Variants in SOX5 observed in about 807,000 individuals in gnomAD.
SOX5 encodes the protein SRY-box transcription factor 5, also known as transcription factor SOX-5.
In SOX5, 9 loss-of-function variants were observed where a neutral mutation model predicts 92.0. The observed-to-expected ratio is 0.10, with a 90% confidence interval of 0.06 to 0.17. SOX5 has a LOEUF of 0.17. Among genes scored for constraint, SOX5 ranks in the 10% least tolerant of loss-of-function variants. SOX5 has a pLI of 1.00. For missense variants in SOX5, 642 were observed against 944.5 expected, an observed-to-expected ratio of 0.68 and a Z score of 4.20; for synonymous variants, 344 against 336.3, an observed-to-expected ratio of 1.02 and a Z score of -0.25.
intron 3 of SOX5, among the ~76,000 whole-genome samples, chr12:24,256,840 T>C (rs1027722473): frequency 2.0e-5 from 3 of 152,240 alleles, no homozygotes; most frequent in Admixed American, 6.5e-5. Flanking sequence ...GCCTGCTGCA[T>C]GACTCCCGGC....
chr12:24,030,998 A>G (rs2136849864), intron 4 of SOX5, among the ~76,000 whole-genome samples: 1 of 152,064 alleles, frequency 6.6e-6, no homozygotes, highest in South Asian at 2.1e-4. Flanking sequence ...ATGAGGTATC[A>G]CCTCACACCT....
At chr12:23,893,619 T>C (rs1326240432) in intron 2 of SOX5, among the ~76,000 whole-genome samples, 1 of 152,184 alleles carries the variant, frequency 6.6e-6, no homozygotes, top group Non-Finnish European at 1.5e-5. Flanking sequence ...CATAATTATC[T>C]ACATTCATCT....
At chr12:24,465,348 C>A (rs977330189) in intron 1 of SOX5, among the ~76,000 whole-genome samples, 4 of 152,144 alleles carry the variant, frequency 2.6e-5, no homozygotes, top group Admixed American at 6.5e-5. Context: ...GTTCCAAGTG[C>A]CTTTACACAT....
At chr12:24,552,519 G>A (rs1190875737) in intron 1 of SOX5, among the ~76,000 whole-genome samples, 3 of 152,202 alleles carry the variant, frequency 2.0e-5, no homozygotes, top group South Asian at 4.1e-4. Context: ...CTGGCTGACT[G>A]GATGATCACC....
chr12:24,359,864 A>T, intron 2 of SOX5, among the ~76,000 whole-genome samples: 1 of 152,198 alleles, frequency 6.6e-6, no homozygotes, highest in Admixed American at 6.5e-5. Flanking sequence ...CCACACTTAC[A>T]TCATTCCCCA....
chr12:24,486,251 TAGATA>T (rs541285395), intron 1 of SOX5, among the ~76,000 whole-genome samples: 102 of 152,280 alleles, frequency 6.7e-4, no homozygotes, highest in African/African-American at 2.3e-3. Flanking sequence ...ATGCCTTCAG[TAGATA>T]ATGTGAAACT....
At chr12:24,310,812 T>G (rs1197962601) in intron 2 of SOX5, among the ~76,000 whole-genome samples, 1 of 152,074 alleles carries the variant, frequency 6.6e-6, no homozygotes, top group Non-Finnish European at 1.5e-5. Context: ...GGTTGAAATA[T>G]CTGACCTTCA....
chr12:23,728,734 G>C (rs2093268634), intron 6 of SOX5, among the ~76,000 whole-genome samples: 1 of 151,974 alleles, frequency 6.6e-6, no homozygotes, highest in Non-Finnish European at 1.5e-5. Flanking sequence ...AGTTCCCAGG[G>C]AAAGAAAACT....
intron 1 of SOX5, among the ~76,000 whole-genome samples, chr12:24,415,876 AAAG>A (rs1332847049): frequency 6.6e-6 from 1 of 152,254 alleles, no homozygotes; most frequent in Non-Finnish European, 1.5e-5. Context: ...ATTAGCAGAG[AAAG>A]AAGTAAAATG....
intron 8 of SOX5, among the ~76,000 whole-genome samples, chr12:23,614,067 T>C (rs1168382359): frequency 1.3e-5 from 2 of 152,150 alleles, no homozygotes; most frequent in African/African-American, 4.8e-5. Flanking sequence ...GAATCGCTTC[T>C]GTCCTAAATA....
chr12:24,288,904 A>G (rs909163566), intron 2 of SOX5, among the ~76,000 whole-genome samples: 4 of 143,846 alleles, frequency 2.8e-5, no homozygotes, highest in African/African-American at 1.0e-4. Flanking sequence ...AGAACCTTTT[A>G]TTCTTTGCCA....
At chr12:23,992,274 C>T (rs566219887) in intron 4 of SOX5, among the ~76,000 whole-genome samples, 2 of 152,172 alleles carry the variant, frequency 1.3e-5, no homozygotes, top group East Asian at 3.9e-4. Flanking sequence ...AGATTTTTCT[C>T]CTTATTTTCC....
chr12:24,101,127 A>T (rs1358630505), intron 4 of SOX5, among the ~76,000 whole-genome samples: 1 of 152,084 alleles, frequency 6.6e-6, no homozygotes, highest in Non-Finnish European at 1.5e-5. Flanking sequence ...ATCCTTCAAT[A>T]ATGTCTACTG....
chr12:24,279,409 T>C (rs953286040), intron 2 of SOX5, among the ~76,000 whole-genome samples: 1 of 152,118 alleles, frequency 6.6e-6, no homozygotes, highest in Non-Finnish European at 1.5e-5. Context: ...AGCAGTGAAA[T>C]GATAGTTCAG....
intron 4 of SOX5, chr12:24,212,364 A>G (rs1408403192): frequency 5.7e-6 from 3 of 530,160 alleles, no homozygotes; most frequent in Non-Finnish European, 1.2e-5. Context: ...AGATCTGATC[A>G]CACTGAAGGA....
At chr12:24,005,829 C>A (rs1007089475) in intron 4 of SOX5, among the ~76,000 whole-genome samples, 2 of 152,072 alleles carry the variant, frequency 1.3e-5, no homozygotes, top group Non-Finnish European at 2.9e-5. Context: ...TACAGAGAAG[C>A]TAAATATAGC....
intron 1 of SOX5, among the ~76,000 whole-genome samples, chr12:24,417,844 C>T (rs1260436908): frequency 2.0e-5 from 3 of 152,026 alleles, no homozygotes; most frequent in Non-Finnish European, 4.4e-5. Flanking sequence ...TGAGAAGAAG[C>T]CAGGGAAGAA....
intron 12 of SOX5, among the ~76,000 whole-genome samples, chr12:23,544,659 A>T (rs1221760646): frequency 6.6e-6 from 1 of 152,212 alleles, no homozygotes; most frequent in Non-Finnish European, 1.5e-5. Context: ...AAAAGTAGAA[A>T]ATATTTCACA....
At chr12:24,047,270 C>T (rs1332367710) in intron 4 of SOX5, among the ~76,000 whole-genome samples, 1 of 152,130 alleles carries the variant, frequency 6.6e-6, no homozygotes, top group Non-Finnish European at 1.5e-5. Flanking sequence ...ATATATTTTC[C>T]TGTTCTTTTA....
Sources: allele counts gnomAD v4.1 joint callset (sites outside exome capture counted in the v4.1 genomes callset), GRCh38; gene constraint gnomAD v4.1.1; transcripts MANE v1.5; gene names NCBI Gene and HGNC (gene_info 2026-07-23, HGNC 2026-07-21).